Variants in CDH12 observed in about 807,000 individuals in gnomAD.
CDH12 encodes the protein cadherin-12.
CDH12 carries 41 observed loss-of-function variants against 74.1 expected under a neutral mutation model. The ratio of observed to expected loss-of-function variants is 0.55; its 90% CI spans 0.43 to 0.72. CDH12 has a LOEUF of 0.72. Among genes scored for constraint, CDH12 ranks in the 30% least tolerant of loss-of-function variants. The probability of loss-of-function intolerance (pLI) is 0.00; values close to 1 mark genes in which losing one functional copy is unlikely to be tolerated. For missense variants in CDH12, 945 were observed against 977.2 expected, an observed-to-expected ratio of 0.97 and a Z score of 0.44; for synonymous variants, 399 against 355.0, an observed-to-expected ratio of 1.12 and a Z score of -1.39.
At chr5:22,774,075 T>C (rs1746960880) in intron 1 of CDH12, among the ~76,000 whole-genome samples, 1 of 152,140 alleles carries the variant, frequency 6.6e-6, no homozygotes, top group Non-Finnish European at 1.5e-5. Flanking sequence ...TTTGGAGATT[T>C]CTCAAGGAGT....
At chr5:22,420,388 G>T (rs11958803) in intron 2 of CDH12, among the ~76,000 whole-genome samples, 1 of 151,908 alleles carries the variant, frequency 6.6e-6, no homozygotes, top group South Asian at 2.1e-4. Context: ...AATTTTCTTC[G>T]TATGGCTATC....
chr5:22,195,112 G>A (rs12515786), intron 4 of CDH12, among the ~76,000 whole-genome samples: 15 of 152,178 alleles, frequency 9.9e-5, no homozygotes, highest in African/African-American at 3.6e-4. Flanking sequence ...CTGTCCTCTA[G>A]GTAGACAGAG....
At chr5:21,788,280 A>T (rs1424236959) in intron 10 of CDH12, among the ~76,000 whole-genome samples, 1 of 152,194 alleles carries the variant, frequency 6.6e-6, no homozygotes, top group African/African-American at 2.4e-5. Flanking sequence ...TGACATTAGA[A>T]GGCTATATGG....
chr5:22,466,339 G>A (rs942280101), intron 2 of CDH12, among the ~76,000 whole-genome samples: 29 of 152,228 alleles, frequency 1.9e-4, no homozygotes, highest in African/African-American at 6.5e-4. Flanking sequence ...GTAACCCAAT[G>A]GGGCACATAT....
At chr5:21,997,329 C>T (rs1181845103) in intron 5 of CDH12, among the ~76,000 whole-genome samples, 5 of 151,986 alleles carry the variant, frequency 3.3e-5, no homozygotes, top group Admixed American at 1.3e-4. Flanking sequence ...TTTAAAGGGC[C>T]CAAAGTTGTG....
rs542042209 is a variant in CDH12 at position 22,007,029 on chromosome 5, T to G, written c.232-31644A>C. On this transcript the variant is annotated intron_variant, in intron 5 of 14. Coordinates refer to ENST00000382254, the MANE Select transcript of CDH12 (RefSeq NM_004061.5). The stretch of plus-strand genomic sequence containing the variant: ...ACTCATGTTATTTAAAATTATTTAT[T>G]TACACTTTTGACAATAAAAACAGAA... Among the ~76,000 whole-genome samples the G allele has an allele frequency of 3.7e-3, 566 of 152,242 alleles. 7 individuals are homozygous for G. Among genetic ancestry groups the G allele is most frequent in the African/African-American group, 0.013 (530 of 41,560 alleles).
At chr5:21,776,712 A>T (rs1184307189) in intron 11 of CDH12, among the ~76,000 whole-genome samples, 1 of 152,164 alleles carries the variant, frequency 6.6e-6, no homozygotes, top group Non-Finnish European at 1.5e-5. Context: ...ATCATTGAAC[A>T]TATTTGCCAG....
At chr5:22,231,458 T>C (rs1752381275) in intron 3 of CDH12, among the ~76,000 whole-genome samples, 1 of 152,022 alleles carries the variant, frequency 6.6e-6, no homozygotes, top group South Asian at 2.1e-4. Flanking sequence ...TTAATACTAC[T>C]AATAAAATTA....
At chr5:22,098,187 G>A (rs145302707) in intron 4 of CDH12, among the ~76,000 whole-genome samples, 2,216 of 152,156 alleles carry the variant, frequency 0.015, 55 homozygotes, top group African/African-American at 0.05. Context: ...CAAATTACCT[G>A]GGCTGTACTG....
intron 8 of CDH12, among the ~76,000 whole-genome samples, chr5:21,841,836 C>T (rs1476915286): frequency 1.6e-5 from 2 of 126,678 alleles, no homozygotes; most frequent in East Asian, 4.7e-4. Flanking sequence ...GGAAGGGGAA[C>T]ATCACACTCT....
chr5:22,087,691 C>T (rs892358387), intron 4 of CDH12, among the ~76,000 whole-genome samples: 2 of 152,072 alleles, frequency 1.3e-5, no homozygotes, highest in Non-Finnish European at 2.9e-5. Context: ...CCTATTTAGA[C>T]ATTGCTTTGT....
chr5:22,801,600 A>C (rs1305358856), intron 1 of CDH12, among the ~76,000 whole-genome samples: 1 of 140,158 alleles, frequency 7.1e-6, no homozygotes, highest in African/African-American at 2.6e-5. Flanking sequence ...CTTTCTGATT[A>C]AAGTTTATAT....
intron 1 of CDH12, among the ~76,000 whole-genome samples, chr5:22,685,528 G>A (rs1054689151): frequency 7.2e-5 from 11 of 152,200 alleles, no homozygotes; most frequent in East Asian, 3.9e-4. Flanking sequence ...GAGTCACTGC[G>A]CCCAGCGCCA....
chr5:22,186,083 GC>G (rs1220688296), intron 4 of CDH12, among the ~76,000 whole-genome samples: 2 of 152,148 alleles, frequency 1.3e-5, no homozygotes, highest in Admixed American at 6.5e-5. Context: ...CTCCTTAAGT[GC>G]CCTTGAGTAA....
intron 2 of CDH12, among the ~76,000 whole-genome samples, chr5:22,497,956 C>G (rs1747173619): frequency 6.6e-6 from 1 of 151,860 alleles, no homozygotes. Context: ...CCCAGCTGAA[C>G]CTCTTCTATA....
intron 2 of CDH12, among the ~76,000 whole-genome samples, chr5:22,476,630 C>A (rs998334245): frequency 1.3e-5 from 2 of 152,028 alleles, no homozygotes; most frequent in Non-Finnish European, 2.9e-5. Flanking sequence ...GATATTACCT[C>A]ATCTTACATG....
At chr5:21,979,163 C>T (rs185662184) in intron 5 of CDH12, among the ~76,000 whole-genome samples, 1,555 of 152,250 alleles carry the variant, frequency 0.01, 10 homozygotes, top group Non-Finnish European at 0.015. Context: ...TTAAAACTAA[C>T]AGCTAGAAAT....
intron 3 of CDH12, among the ~76,000 whole-genome samples, chr5:22,377,925 CAG>C (rs1741603104): frequency 6.6e-6 from 1 of 152,066 alleles, no homozygotes; most frequent in African/African-American, 2.4e-5. Context: ...TAAAATGTAA[CAG>C]AAATTTTGTG....
At chr5:22,671,910 CTTTGT>C (rs1360727097) in intron 1 of CDH12, among the ~76,000 whole-genome samples, 1 of 149,952 alleles carries the variant, frequency 6.7e-6, no homozygotes, top group Admixed American at 6.7e-5. Flanking sequence ...ATATTTTCTG[CTTTGT>C]TTTAATTTTG....
Sources: gnomAD v4.1 joint callset for allele counts (sites outside exome capture counted in the v4.1 genomes callset) on GRCh38, gnomAD v4.1.1 for gene constraint, MANE v1.5 for transcripts, NCBI Gene and HGNC (gene_info 2026-07-23, HGNC 2026-07-21) for gene names.